The following SLC35D2 variants were observed in gnomAD, a reference collection of about 807,000 sequenced individuals.
SLC35D2 encodes nucleotide sugar transporter SLC35D2.
A neutral mutation model predicts 41.8 loss-of-function variants in SLC35D2; 43 were observed. That is an observed-to-expected ratio of 1.03 (90% CI 0.81 to 1.33). The LOEUF (loss-of-function observed/expected upper bound fraction) is 1.33, where lower values mean the gene tolerates loss of function less well. SLC35D2 is among the 40% of genes most tolerant of loss of function. The pLI, the probability that SLC35D2 is intolerant of heterozygous loss-of-function variation, is 0.00. For synonymous variants in SLC35D2, 150 were observed against 163.9 expected (o/e 0.92, Z 0.65); for missense variants, 380 against 408.4 (o/e 0.93, Z 0.60).
At chr9:96,330,021 G>A (rs1828736502) in intron 9 of SLC35D2, among the ~76,000 whole-genome samples, 1 of 152,258 alleles carries the variant, frequency 6.6e-6, no homozygotes, top group Admixed American at 6.5e-5. Flanking sequence ...CCAAAGGCCT[G>A]AGAACGAGCG....
chr9:96,343,523 T>G (rs1422136451), intron 8 of SLC35D2, among the ~76,000 whole-genome samples: 1 of 152,262 alleles, frequency 6.6e-6, no homozygotes, highest in Admixed American at 6.5e-5. Flanking sequence ...TGTTTCAAAA[T>G]GTCCGTAATA....
intron 9 of SLC35D2, among the ~76,000 whole-genome samples, chr9:96,332,475 C>G (rs1031470213): frequency 2.0e-5 from 3 of 152,018 alleles, no homozygotes; most frequent in Non-Finnish European, 1.5e-5. Flanking sequence ...AAAACTTTAC[C>G]ATTAAAGGTA....
chr9:96,352,803 C>T lies in SLC35D2; in HGVS notation c.348-694G>A, dbSNP rs189109906. Reference sequence around the variant, plus strand: ...CTGTAATCCCAGCACTTTGGGAGGCCGAGGTGGGCAGATCACTTGAGGTCA... The same window carrying T: ...CTGTAATCCCAGCACTTTGGGAGGCTGAGGTGGGCAGATCACTTGAGGTCA... On this transcript the variant is annotated intron_variant, in intron 4 of 11. Coordinates refer to ENST00000253270, the MANE Select transcript of SLC35D2 (RefSeq NM_007001.3). 2.6e-3 allele frequency among the ~76,000 whole-genome samples: 396 copies of T among 152,028 alleles called. 2 individuals are homozygous for T. The highest frequency in any genetic ancestry group is 4.8e-3 in the Non-Finnish European group (327 of 67,960).
chr9:96,329,497 G>A (rs1367915145), intron 9 of SLC35D2, among the ~76,000 whole-genome samples: 2 of 152,032 alleles, frequency 1.3e-5, no homozygotes, highest in African/African-American at 2.4e-5. Flanking sequence ...CAAAGCTTTG[G>A]GGCTACAGGC....
At chr9:96,341,982 C>G (rs558195520) in intron 8 of SLC35D2, among the ~76,000 whole-genome samples, 1 of 150,460 alleles carries the variant, frequency 6.6e-6, no homozygotes, top group African/African-American at 2.4e-5. Context: ...AATTTCAGAA[C>G]AGATAAACTC....
Position 96,360,160 on chromosome 9 carries a change from T to C in SLC35D2, c.341A>G (p.Lys114Arg). The part of the protein sequence containing the change: ...NHISGLSSTS[K>R]LSLPMFTVLR... ...CCATTATCCTATACTCTACCTTAAT[T>C]TACTTGTGCTTGATAATCCACTTAT... The change falls in exon 4 of 12, where the codon AAA becomes AGA. Residue 114 changes from lysine (K) to arginine (R), a missense_variant. Coordinates refer to ENST00000253270, the MANE Select transcript of SLC35D2 (RefSeq NM_007001.3). 3 of 1,611,940 alleles carry C rather than the reference T, an allele frequency of 1.9e-6. No individual in the cohort carries two copies. The highest frequency in any genetic ancestry group is 1.7e-6 in the Non-Finnish European group (2 of 1,178,324).
chr9:96,340,870 T>G (rs1564098378), intron 8 of SLC35D2, among the ~76,000 whole-genome samples: 1 of 152,134 alleles, frequency 6.6e-6, no homozygotes, highest in Non-Finnish European at 1.5e-5. Context: ...CTAAAGGAAC[T>G]TCTGTTTGAA....
chr9:96,383,166 C>T (rs1442776762), intron 1 of SLC35D2, among the ~76,000 whole-genome samples: 3 of 152,178 alleles, frequency 2.0e-5, no homozygotes, highest in East Asian at 1.9e-4. Context: ...TTGAAGCAGG[C>T]ATTTGAATCC....
chr9:96,366,402 C>T (rs990037486), intron 2 of SLC35D2, among the ~76,000 whole-genome samples: 1 of 151,812 alleles, frequency 6.6e-6, no homozygotes, highest in African/African-American at 2.4e-5. Context: ...ATCTAACTGG[C>T]CTCTTCCCTC....
intron 9 of SLC35D2, among the ~76,000 whole-genome samples, chr9:96,325,232 G>GT (rs1828466929): frequency 6.6e-6 from 1 of 152,196 alleles, no homozygotes; most frequent in Non-Finnish European, 1.5e-5. Flanking sequence ...AAAGAAGCGA[G>GT]CTAATTCCAG....
In SLC35D2 at chr9:96,368,323, C is replaced by A; in HGVS notation, c.159-18G>T. 8 of 1,597,550 alleles carry A rather than the reference C, an allele frequency of 5.0e-6. No homozygotes were observed. Among genetic ancestry groups the A allele is most frequent in the Non-Finnish European group, 6.8e-6 (8 of 1,169,636 alleles). Reference sequence around the variant, plus strand: ...ACGGGAAACTACAAAGGACACAGAACAACAAATCAGTTGAGCAAATATAAA... The same window carrying A: ...ACGGGAAACTACAAAGGACACAGAAAAACAAATCAGTTGAGCAAATATAAA... On this transcript the variant is annotated intron_variant, in intron 1 of 11. Transcript: ENST00000253270.
chr9:96,328,288 G>C (rs1192158394), intron 9 of SLC35D2, among the ~76,000 whole-genome samples: 1 of 152,054 alleles, frequency 6.6e-6, no homozygotes, highest in African/African-American at 2.4e-5. Context: ...TCAGGCTGGA[G>C]TACAGTGGCA....
intron 1 of SLC35D2, chr9:96,373,970 G>C (rs1830825411): frequency 6.6e-6 from 1 of 152,222 alleles, no homozygotes; most frequent in Non-Finnish European, 1.5e-5. Context: ...AAGTATTTCA[G>C]AGTGCAGTGC....
chr9:96,379,059 G>A (rs1334512537), intron 1 of SLC35D2, among the ~76,000 whole-genome samples: 1 of 151,822 alleles, frequency 6.6e-6, no homozygotes, highest in Non-Finnish European at 1.5e-5. Context: ...GCCCTTCAAG[G>A]GGCCAAGGCG....
At chr9:96,326,805 CAAAAAAAAA>C (rs373966865) in intron 9 of SLC35D2, among the ~76,000 whole-genome samples, 3 of 105,732 alleles carry the variant, frequency 2.8e-5, no homozygotes, top group Non-Finnish European at 6.2e-5. Context: ...GACTCTGTCT[CAAAAAAAAA>C]AAAAAAAGAA....
chr9:96,370,513 C>T (rs544508620), intron 1 of SLC35D2, among the ~76,000 whole-genome samples: 16 of 151,956 alleles, frequency 1.1e-4, no homozygotes, highest in East Asian at 7.8e-4. Flanking sequence ...AAAAATTAGC[C>T]GGGCGTGGTG....
At position 96,383,467 on chromosome 9, in the gene SLC35D2, C is replaced by A. The variant is rs779370416; in HGVS notation, c.158+10G>T. The A allele has an allele frequency of 1.1e-5, 17 of 1,530,092 alleles. No homozygotes were observed. Among genetic ancestry groups the A allele is most frequent in the Non-Finnish European group, 1.5e-5 (17 of 1,137,390 alleles). The allele number at this position is 1,530,092 out of a possible 1,614,324, so 94.8% of individuals were successfully genotyped here. ...TCCCGCAGACCCCCCGGCCCCGGGC[C>A]CCGCCTCACCCGTAGGTGGTCAGCA... On this transcript the variant is annotated intron_variant, in intron 1 of 11. Coordinates refer to ENST00000253270, the MANE Select transcript of SLC35D2 (RefSeq NM_007001.3).
intron 7 of SLC35D2, among the ~76,000 whole-genome samples, chr9:96,345,084 T>C (rs1829516097): frequency 6.6e-6 from 1 of 152,200 alleles, no homozygotes; most frequent in South Asian, 2.1e-4. Context: ...GTTCTGAGTG[T>C]GCATCTAAAC....
intron 4 of SLC35D2, chr9:96,357,286 A>T (rs1020981621): frequency 5.3e-5 from 8 of 152,258 alleles, no homozygotes; most frequent in African/African-American, 1.9e-4. Context: ...ATGGAAAAAG[A>T]ACAGTCTTTT....
Sources: gnomAD v4.1 joint callset for allele counts (sites outside exome capture counted in the v4.1 genomes callset) on GRCh38, gnomAD v4.1.1 for gene constraint, MANE v1.5 for transcripts, NCBI Gene and HGNC (gene_info 2026-07-23, HGNC 2026-07-21) for gene names.